OLFM3: variants seen among roughly 807,000 people sequenced by gnomAD.
The protein encoded by OLFM3 is olfactomedin 3, also known as noelin-3.
A neutral mutation model predicts 48.6 loss-of-function variants in OLFM3; 20 were observed. The ratio of observed to expected loss-of-function variants is 0.41; its 90% confidence interval spans 0.29 to 0.60. OLFM3 has a LOEUF of 0.60. Among genes scored for constraint, OLFM3 ranks in the 20% least tolerant of loss-of-function variants. The pLI, the probability that OLFM3 is intolerant of heterozygous loss-of-function variation, is 0.28. For synonymous variants in OLFM3, 222 were observed against 198.1 expected (o/e 1.12, Z -1.01); for missense variants, 437 against 544.3 (o/e 0.80, Z 1.96).
chr1:101,874,000 C>A (rs1165809724), intron 1 of OLFM3, among the ~76,000 whole-genome samples: 1 of 151,846 alleles, frequency 6.6e-6, no homozygotes, highest in East Asian at 1.9e-4. Context: ...ATGGCTTCAA[C>A]ATTTAGTTAT....
In OLFM3 at chr1:101,935,580, A is replaced by T. The variant is rs900340671; in HGVS notation, c.69+61168T>A. Among the ~76,000 whole-genome samples, 16 of 152,264 alleles carry T rather than the reference A, an allele frequency of 1.1e-4. No individual in the cohort carries two copies. The East Asian group carries it at 3.1e-3, about 29-fold the overall frequency. On this transcript the variant is annotated intron_variant, in intron 1 of 5. Transcript: ENST00000370103. ...AGCTGCTACCATTCCTACTAAAACT[A>T]TTCCAAGAAATTGAGGTATAGGGAT...
At chr1:101,958,481 T>C (rs1409683263) in intron 1 of OLFM3, among the ~76,000 whole-genome samples, 1 of 152,100 alleles carries the variant, frequency 6.6e-6, no homozygotes, top group African/African-American at 2.4e-5. Context: ...ATTATTCCAC[T>C]ATTTGAGAGT....
Position 101,842,592 on chromosome 1 carries a change from C to G in OLFM3, c.70-5567G>C, listed in dbSNP as rs547934568. Among the ~76,000 whole-genome samples, 3 of 152,208 alleles carry G rather than the reference C, an allele frequency of 2.0e-5. No individual in the cohort carries two copies. In the South Asian group the frequency reaches 6.2e-4, roughly 32 times the overall value. ...TAGGTTGGTCACCTCTGCTTATGCC[C>G]TTTGGAAATCACAATGACTTAGACT... On this transcript the variant is annotated intron_variant, in intron 1 of 5. Coordinates refer to ENST00000370103, the MANE Select transcript of OLFM3 (RefSeq NM_058170.4).
At chr1:101,885,348 T>C (rs1657706647) in intron 1 of OLFM3, among the ~76,000 whole-genome samples, 7 of 152,036 alleles carry the variant, frequency 4.6e-5, no homozygotes, top group Admixed American at 4.6e-4. Flanking sequence ...TCCTTTGCTT[T>C]TTATGACATG....
chr1:101,935,927 T>G (rs1011926792), intron 1 of OLFM3, among the ~76,000 whole-genome samples: 13 of 152,166 alleles, frequency 8.5e-5, no homozygotes, highest in Non-Finnish European at 1.3e-4. Context: ...CAACGTCCCT[T>G]TGTGTTAAGA....
intron 1 of OLFM3, among the ~76,000 whole-genome samples, chr1:101,918,112 C>T (rs1480078073): frequency 4.6e-5 from 7 of 152,070 alleles, no homozygotes; most frequent in Non-Finnish European, 8.8e-5. Flanking sequence ...AGAAATTCAA[C>T]GATCATTTAT....
At chr1:101,830,903 G>A (rs750492498) in intron 2 of OLFM3, 76 bp from the exon 3 acceptor site, 89 of 1,359,144 alleles carry the variant, frequency 6.5e-5, no homozygotes, top group Admixed American at 2.2e-4. Context: ...TAGCAAAAAT[G>A]CCGTTAACAT....
intron 1 of OLFM3, among the ~76,000 whole-genome samples, chr1:101,965,205 T>C (rs995963628): frequency 1.3e-5 from 2 of 152,166 alleles, no homozygotes; most frequent in Non-Finnish European, 2.9e-5. Flanking sequence ...AAAAATTAAC[T>C]TCAAATAACC....
chr1:101,886,114 A>G lies in OLFM3; in HGVS notation c.70-49089T>C, dbSNP rs542654730. ...AATATGGGCAAGAGGGAGTACATACAAAAACAAAGGTGTTTGTCTTTTAAA... is the reference window on the plus strand; with the variant it reads ...AATATGGGCAAGAGGGAGTACATACGAAAACAAAGGTGTTTGTCTTTTAAA... On this transcript the variant is annotated intron_variant, in intron 1 of 5. Transcript: ENST00000370103. 2.0e-5 allele frequency among the ~76,000 whole-genome samples: 3 copies of G among 152,228 alleles called. No individual in the cohort carries two copies. The East Asian group carries it at 5.8e-4, about 29-fold the overall frequency.
chr1:101,966,019 G>T (rs1384015400), intron 1 of OLFM3, among the ~76,000 whole-genome samples: 1 of 152,148 alleles, frequency 6.6e-6, no homozygotes, highest in Non-Finnish European at 1.5e-5. Flanking sequence ...AGGTGTGTAT[G>T]CCTCTCCAGT....
chr1:101,846,747 A>T (rs1656012866), intron 1 of OLFM3: 3 of 831,370 alleles, frequency 3.6e-6, no homozygotes, highest in Admixed American at 2.0e-5. Context: ...GCTGACCTGT[A>T]AAGGCAGAAG....
At chr1:101,994,790 C>T (rs1661514005) in intron 1 of OLFM3, among the ~76,000 whole-genome samples, 1 of 151,760 alleles carries the variant, frequency 6.6e-6, no homozygotes, top group Non-Finnish European at 1.5e-5. Flanking sequence ...TTGTTCTTTG[C>T]ACACTGTATT....
At chr1:101,926,317 A>AT (rs1659269717) in intron 1 of OLFM3, among the ~76,000 whole-genome samples, 1 of 152,180 alleles carries the variant, frequency 6.6e-6, no homozygotes, top group Non-Finnish European at 1.5e-5. Flanking sequence ...ACTGTAGTCT[A>AT]TATCACAGGC....
chr1:101,870,245 G>A (rs1295704922), intron 1 of OLFM3, among the ~76,000 whole-genome samples: 3 of 151,960 alleles, frequency 2.0e-5, no homozygotes, highest in African/African-American at 7.3e-5. Context: ...AAATCTCTGA[G>A]ACATCAGTAG....
chr1:101,853,471 A>G (rs9943151), intron 1 of OLFM3, among the ~76,000 whole-genome samples: 44,878 of 151,860 alleles, frequency 0.3, 7,347 homozygotes, highest in Non-Finnish European at 0.38. Context: ...CATGCTATAT[A>G]TTATATTTAT....
intron 1 of OLFM3, among the ~76,000 whole-genome samples, chr1:101,874,919 C>T (rs182193792): frequency 3.3e-5 from 5 of 152,008 alleles, no homozygotes; most frequent in African/African-American, 1.2e-4. Context: ...AGACATTACA[C>T]TGAAAGTCAT....
At chr1:101,992,122 C>G (rs1305456299) in intron 1 of OLFM3, among the ~76,000 whole-genome samples, 2 of 152,084 alleles carry the variant, frequency 1.3e-5, no homozygotes, top group Non-Finnish European at 2.9e-5. Context: ...GAGGTAGGGT[C>G]TAGAAATGAA....
intron 4 of OLFM3, among the ~76,000 whole-genome samples, chr1:101,810,190 T>C (rs767837027): frequency 6.6e-6 from 1 of 151,896 alleles, no homozygotes; most frequent in Non-Finnish European, 1.5e-5. Flanking sequence ...AATTACAACA[T>C]TGATAGGGTT....
Position 101,968,188 on chromosome 1 carries a change from A to T in OLFM3, c.69+28560T>A, listed in dbSNP as rs77598733. ...AACTTTGTGTGAGTCCACATATTTT[A>T]AAAATCTCCTAATCCTATGAGTTCA... is the stretch of plus-strand genomic sequence containing the variant. On this transcript the variant is annotated intron_variant, in intron 1 of 5. Coordinates refer to ENST00000370103, the MANE Select transcript of OLFM3 (RefSeq NM_058170.4). Among the ~76,000 whole-genome samples, 921 of 152,306 alleles carry T rather than the reference A, an allele frequency of 6.0e-3. 15 individuals are homozygous for T. Among genetic ancestry groups the T allele is most frequent in the African/African-American group, 0.022 (898 of 41,550 alleles).
Sources: gnomAD v4.1 joint callset for allele counts (sites outside exome capture counted in the v4.1 genomes callset) on GRCh38, gnomAD v4.1.1 for gene constraint, MANE v1.5 for transcripts, NCBI Gene and HGNC (gene_info 2026-07-23, HGNC 2026-07-21) for gene names.